The following ZNF568 variants were observed in gnomAD, a reference collection of about 807,000 sequenced individuals.
The protein encoded by ZNF568 is zinc finger protein 568.
A neutral mutation model predicts 18.1 loss-of-function variants in ZNF568; 11 were observed. The ratio of observed to expected loss-of-function variants is 0.61; its 90% CI spans 0.38 to 1.00. The LOEUF (loss-of-function observed/expected upper bound fraction) is 1.00. Ranked by LOEUF, ZNF568 falls within the 50% of genes least tolerant of loss-of-function variation. ZNF568 has a pLI of 0.01. For missense variants in ZNF568, 639 were observed against 768.2 expected (o/e 0.83, Z 1.99); for synonymous variants, 213 against 246.6 (o/e 0.86, Z 1.28).
intron 2 of ZNF568, among the ~76,000 whole-genome samples, chr19:36,989,717 G>T (rs1316284985): frequency 2.6e-5 from 4 of 152,012 alleles, no homozygotes; most frequent in Admixed American, 6.6e-5. Context: ...ACCTTGTCCG[G>T]CTAATTTTGG....
intron 5 of ZNF568, 115 bp from the exon 6 acceptor site, chr19:36,937,032 T>C (rs2073801981): frequency 2.2e-6 from 3 of 1,355,962 alleles, no homozygotes; most frequent in African/African-American, 2.9e-5. Flanking sequence ...TTTGTGTCAT[T>C]GTGTAAGTTC....
chr19:36,997,485 G>A, downstream of ZNF568: 1 of 1,588,004 alleles, frequency 6.3e-7, no homozygotes, highest in Non-Finnish European at 8.5e-7. Flanking sequence ...AATGTGGGAA[G>A]GCTTTCATTC....
intron 6 of ZNF568, among the ~76,000 whole-genome samples, chr19:36,972,133 T>G (rs1568402506): frequency 6.6e-6 from 1 of 152,134 alleles, no homozygotes. Context: ...GTGCCCAGCC[T>G]ATAACATTTT....
At chr19:36,923,810 T>A (rs1357795576) in intron 3 of ZNF568, among the ~76,000 whole-genome samples, 1 of 152,026 alleles carries the variant, frequency 6.6e-6, no homozygotes, top group Non-Finnish European at 1.5e-5. Flanking sequence ...AGTAGCTCCA[T>A]TCCTGAACCT....
At chr19:36,987,408 C>G (rs901724261) in intron 2 of ZNF568, among the ~76,000 whole-genome samples, 5 of 152,164 alleles carry the variant, frequency 3.3e-5, no homozygotes, top group Non-Finnish European at 5.9e-5. Flanking sequence ...AGTTTTAGTT[C>G]CAAAGGCCCC....
intron 6 of ZNF568, among the ~76,000 whole-genome samples, chr19:36,945,123 T>C (rs767642417): frequency 6.6e-6 from 1 of 152,038 alleles, no homozygotes; most frequent in Non-Finnish European, 1.5e-5. Context: ...TCAGTACATG[T>C]AAGTGAAAAA....
rs112392962 is a variant in ZNF568 at position 36,969,055 on chromosome 19, C to T, written c.359-5365C>T. Among the ~76,000 whole-genome samples the T allele has an allele frequency of 3.2e-3, 487 of 152,144 alleles. 3 individuals are homozygous for T. The highest frequency in any genetic ancestry group is 0.011 in the African/African-American group (467 of 41,488). On this transcript the variant is annotated intron_variant, in intron 6 of 7. Coordinates refer to the ZNF568 transcript ENST00000427117. ...TATTTTTAGTAGAAACGGGCTTTCA[C>T]GGTATTAGCCAAGATGGTCTCAATC...
intron 6 of ZNF568, among the ~76,000 whole-genome samples, chr19:36,947,484 C>T (rs1372132368): frequency 6.6e-6 from 1 of 152,170 alleles, no homozygotes; most frequent in Non-Finnish European, 1.5e-5. Context: ...CACATGGGAA[C>T]TCTACATGCA....
intron 2 of ZNF568, among the ~76,000 whole-genome samples, chr19:36,990,794 G>C (rs544890672): frequency 6.6e-6 from 1 of 152,278 alleles, no homozygotes; most frequent in Admixed American, 6.5e-5. Context: ...AACTGATTCA[G>C]GATTTAATTT....
In ZNF568 at chr19:36,926,930, G is replaced by A. The variant is rs12463214; in HGVS notation, c.135+1672G>A. Among the ~76,000 whole-genome samples the A allele has an allele frequency of 6.3e-3, 955 of 152,258 alleles. 28 individuals are homozygous for A. Among genetic ancestry groups the A allele is most frequent in the East Asian group, 0.05 (258 of 5,188 alleles). ...TCTGACTCTAGGGCCCACACTCTACGATACTGTACAGATGGAGGCTCATTA... is the reference window on the plus strand; with the variant it reads ...TCTGACTCTAGGGCCCACACTCTACAATACTGTACAGATGGAGGCTCATTA... On this transcript the variant is annotated intron_variant, in intron 4 of 6. Coordinates refer to ENST00000333987, the MANE Select transcript of ZNF568 (RefSeq NM_198539.4).
At chr19:36,939,236 G>T (rs1226162680) in intron 6 of ZNF568, among the ~76,000 whole-genome samples, 1 of 152,118 alleles carries the variant, frequency 6.6e-6, no homozygotes, top group African/African-American at 2.4e-5. Flanking sequence ...CTGGCTGTTT[G>T]CATCTCTTTG....
intron 4 of ZNF568, among the ~76,000 whole-genome samples, chr19:36,995,976 G>C (rs936233748): frequency 6.6e-6 from 1 of 152,118 alleles, no homozygotes; most frequent in Non-Finnish European, 1.5e-5. Context: ...ACATGGTAAG[G>C]GGGAATTCAG....
intron 7 of ZNF568, among the ~76,000 whole-genome samples, chr19:36,974,622 A>C (rs1435920810): frequency 6.6e-6 from 1 of 152,142 alleles, no homozygotes; most frequent in Non-Finnish European, 1.5e-5. Context: ...AAAGCAGCCT[A>C]GGGCTGTCTA....
intron 6 of ZNF568, among the ~76,000 whole-genome samples, chr19:36,960,252 G>A (rs2074138578): frequency 1.3e-5 from 2 of 150,892 alleles, no homozygotes; most frequent in South Asian, 4.2e-4. Flanking sequence ...CGAGTACCTG[G>A]GATTACAGGT....
chr19:36,983,201 G>T (rs1171064521), downstream of ZNF568, among the ~76,000 whole-genome samples: 3 of 152,150 alleles, frequency 2.0e-5, no homozygotes, highest in Non-Finnish European at 4.4e-5. Flanking sequence ...AGCAGAGATG[G>T]TATGTCCCAC....
Position 36,949,810 on chromosome 19 carries a change from A to T in ZNF568, c.657A>T (p.Val219=). 2 of 1,613,992 alleles carry T rather than the reference A, an allele frequency of 1.2e-6. No homozygotes were observed. The highest frequency in any genetic ancestry group is 1.7e-6 in the Non-Finnish European group (2 of 1,179,956). The change falls in exon 7 of 7, where the codon GTA becomes GTT. Residue 219 remains valine, a synonymous_variant. Transcript: ENST00000333987. ...TTTACCATTGTGCATCCTATGTTGT[A>T]ACCCCCTTTAAGTGTAATCAGTGTG... The part of the protein sequence containing the change: ...KPFYHCASYV[V]TPFKCNQCGQ...
At chr19:36,976,230 G>A (rs951306150) in intron 7 of ZNF568, 1 of 151,874 alleles carries the variant, frequency 6.6e-6, no homozygotes, top group African/African-American at 2.4e-5. Flanking sequence ...GTAGTCATGT[G>A]ATTTTTTTTT....
exon 5 of ZNF568, chr19:36,997,206 A>G: frequency 1.2e-6 from 2 of 1,608,144 alleles, no homozygotes; most frequent in Non-Finnish European, 1.7e-6. Context: ...CTGGTGAGAA[A>G]CCCCATGAAT....
intron 6 of ZNF568, among the ~76,000 whole-genome samples, chr19:36,968,556 A>C (rs868075876): frequency 6.6e-6 from 1 of 150,590 alleles, no homozygotes; most frequent in Non-Finnish European, 1.5e-5. Flanking sequence ...AAAAAAAAAA[A>C]AACTATATAT....
Sources: allele counts gnomAD v4.1 joint callset (sites outside exome capture counted in the v4.1 genomes callset), GRCh38; gene constraint gnomAD v4.1.1; transcripts MANE v1.5; gene names NCBI Gene and HGNC (gene_info 2026-07-23, HGNC 2026-07-21).